PXDNL: variants seen among roughly 807,000 people sequenced by gnomAD.
PXDNL encodes the protein probable oxidoreductase PXDNL.
Under a neutral mutation model 150.8 loss-of-function variants are expected in PXDNL, and 145 were observed. The observed-to-expected ratio is 0.96, with a 90% CI of 0.84 to 1.10. The LOEUF (loss-of-function observed/expected upper bound fraction) is 1.10, where lower values mean the gene tolerates loss of function less well. Ranked by LOEUF, PXDNL falls within the 50% of genes least tolerant of loss-of-function variation. PXDNL has a pLI of 0.00. For missense variants in PXDNL, 2,087 were observed against 1,873.9 expected, an observed-to-expected ratio of 1.11 and a Z score of -2.10; for synonymous variants, 757 against 725.7, an observed-to-expected ratio of 1.04 and a Z score of -0.69.
At chr8:51,507,643 G>A (rs79692749) in intron 4 of PXDNL, among the ~76,000 whole-genome samples, 2,586 of 152,320 alleles carry the variant, frequency 0.017, 74 homozygotes, top group African/African-American at 0.06. Flanking sequence ...GCTAGAGAGA[G>A]ACTCCAGCTA....
At position 51,740,335 on chromosome 8, in the gene PXDNL, G is replaced by A. The variant is rs146865253; in HGVS notation, c.164+68846C>T. On this transcript the variant is annotated intron_variant, in intron 1 of 22. Transcript: ENST00000356297. ...ATAACAGAATGATTTATATTCCTTT[G>A]GGTATATACCCAGTAATAATATTGC... Among the ~76,000 whole-genome samples the A allele has an allele frequency of 2.0e-5, 3 of 152,286 alleles. No individual in the cohort carries two copies. In the East Asian group the frequency reaches 5.8e-4, roughly 29 times the overall value.
Position 51,408,379 on chromosome 8 carries a change from T to G in PXDNL, c.3245A>C (p.His1082Pro). 1.2e-6 allele frequency: 2 copies of G among 1,614,032 alleles called. No individual in the cohort carries two copies. Among genetic ancestry groups the G allele is most frequent in the Non-Finnish European group, 1.7e-6 (2 of 1,179,888 alleles). Residue 1082 changes from histidine to proline, a missense_variant, in exon 17 of 23, where the codon CAT becomes CCT. Coordinates refer to ENST00000356297, the MANE Select transcript of PXDNL (RefSeq NM_144651.5). ...TCTGGACGGTGAAAAGAGCGCTTTA[T>G]GGAACGGAAGGTGGCCTTCGGAAAT... is the stretch of plus-strand genomic sequence containing the variant. ...GEISEGHLPF[H>P]KALFSPSRII...
chr8:51,549,083 AG>A (rs1190290748), intron 4 of PXDNL, among the ~76,000 whole-genome samples: 1 of 152,234 alleles, frequency 6.6e-6, no homozygotes, highest in Non-Finnish European at 1.5e-5. Context: ...AAAGACAAAA[AG>A]AGACATTATA....
chr8:51,769,169 T>C (rs1273084195), intron 1 of PXDNL, among the ~76,000 whole-genome samples: 1 of 152,216 alleles, frequency 6.6e-6, no homozygotes, highest in African/African-American at 2.4e-5. Context: ...TTGAGTCATA[T>C]CAAAGTCATT....
intron 4 of PXDNL, among the ~76,000 whole-genome samples, chr8:51,515,182 A>T (rs1811509279): frequency 6.6e-6 from 1 of 152,172 alleles, no homozygotes; most frequent in African/African-American, 2.4e-5. Context: ...GTGAGGGACA[A>T]TCGGGGTGAT....
At chr8:51,446,053 T>G (rs868502758) in intron 12 of PXDNL, among the ~76,000 whole-genome samples, 1 of 152,212 alleles carries the variant, frequency 6.6e-6, no homozygotes, top group Middle Eastern at 3.4e-3. Context: ...AAAAAAAACA[T>G]TTAATATGTC....
At chr8:51,709,162 C>T in intron 1 of PXDNL, among the ~76,000 whole-genome samples, 2 of 151,984 alleles carry the variant, frequency 1.3e-5, no homozygotes, top group South Asian at 4.2e-4. Context: ...ATTGTATTGG[C>T]AAGAATTAGT....
chr8:51,377,539 G>C (rs1007249103), intron 17 of PXDNL, among the ~76,000 whole-genome samples: 3 of 152,208 alleles, frequency 2.0e-5, no homozygotes, highest in Non-Finnish European at 2.9e-5. Flanking sequence ...GGCAGGAACC[G>C]GGGCTGCACA....
rs78630544 is a variant in PXDNL, at chr8:51,784,387, T to C, written c.164+24794A>G. Among the ~76,000 whole-genome samples, 737 of 152,360 alleles carry C rather than the reference T, an allele frequency of 4.8e-3. 5 individuals carry two copies. The highest frequency in any genetic ancestry group is 0.017 in the Middle Eastern group (5 of 294). ...TTTTACGAATTCTTAAGCAGATCAATCAGCATAATACACTCATACCAGAAT... is the reference window on the plus strand; with the variant it reads ...TTTTACGAATTCTTAAGCAGATCAACCAGCATAATACACTCATACCAGAAT... On this transcript the variant is annotated intron_variant, in intron 1 of 22. Transcript: ENST00000356297.
chr8:51,713,852 A>G (rs1816549502), intron 1 of PXDNL, among the ~76,000 whole-genome samples: 1 of 152,212 alleles, frequency 6.6e-6, no homozygotes, highest in African/African-American at 2.4e-5. Flanking sequence ...CCAAGCAAAT[A>G]GTCACTTGTT....
At chr8:51,341,421 G>A (rs910899107) in intron 20 of PXDNL, among the ~76,000 whole-genome samples, 11 of 151,664 alleles carry the variant, frequency 7.3e-5, no homozygotes, top group South Asian at 2.1e-4. Context: ...TTTTTTTCAC[G>A]TGTGCATGTG....
At chr8:51,713,582 T>A (rs968881068) in intron 1 of PXDNL, among the ~76,000 whole-genome samples, 4 of 152,220 alleles carry the variant, frequency 2.6e-5, no homozygotes, top group Admixed American at 2.6e-4. Context: ...GGCCCATGTA[T>A]ATTAAGGGCC....
rs764492998 is a variant in PXDNL at position 51,457,638 on chromosome 8, C to T, written c.842G>A (p.Arg281Gln). 1.2e-5 allele frequency: 19 copies of T among 1,613,242 alleles called. No individual in the cohort carries two copies. The highest frequency in any genetic ancestry group is 5.0e-5 in the Admixed American group (3 of 59,924). ...NHSLDLEDDT[R>Q]LNVFDDGTLM... ...TGTGCCATCATCAAACACATTAAGT[C>T]GAGTATCATCTTCCAAATCCAATGA... The change falls in exon 9 of 23, where the codon CGA becomes CAA. Residue 281 changes from arginine to glutamine, a missense_variant. By Grantham distance (43) the Arg-to-Gln change is conservative. Coordinates refer to ENST00000356297, the MANE Select transcript of PXDNL (RefSeq NM_144651.5).
chr8:51,740,028 C>T (rs1055453929), intron 1 of PXDNL, among the ~76,000 whole-genome samples: 2 of 152,008 alleles, frequency 1.3e-5, no homozygotes, highest in Non-Finnish European at 2.9e-5. Context: ...TTACAAAATG[C>T]TGATTAAAGA....
intron 12 of PXDNL, among the ~76,000 whole-genome samples, chr8:51,438,508 G>A (rs1210480799): frequency 6.6e-6 from 1 of 152,186 alleles, no homozygotes; most frequent in Non-Finnish European, 1.5e-5. Context: ...GAGGTCAGGA[G>A]ATCGAGACCA....
intron 12 of PXDNL, among the ~76,000 whole-genome samples, chr8:51,443,307 AGGG>A (rs1293282734): frequency 2.6e-4 from 39 of 152,178 alleles, no homozygotes; most frequent in African/African-American, 9.2e-4. Context: ...AAAACACATG[AGGG>A]ATATGAAGAC....
Position 51,408,275 on chromosome 8 carries a change from G to C in PXDNL, c.3349C>G (p.Leu1117Val), listed in dbSNP as rs1390093760. The change falls in exon 17 of 23, where the codon CTT (leucine) becomes GTT (valine). Residue 1117 changes from leucine to valine, a missense_variant. Leu to Val is a conservative substitution (Grantham distance 32). Coordinates refer to ENST00000356297, the MANE Select transcript of PXDNL (RefSeq NM_144651.5). ...CTCTGGGTCAGCTCAGGACTGAGAA[G>C]GTAGGAGGGTGCCCGCCATTTAGCA... The part of the protein sequence containing the change: ...VAAKWRAPSY[L>V]LSPELTQRLF... 1 of 1,613,972 alleles carries C rather than the reference G, an allele frequency of 6.2e-7. No individual in the cohort carries two copies. The highest frequency in any genetic ancestry group is 1.1e-5 in the South Asian group (1 of 91,078).
intron 2 of PXDNL, among the ~76,000 whole-genome samples, chr8:51,593,707 T>C (rs1362927656): frequency 6.6e-6 from 1 of 152,214 alleles, no homozygotes; most frequent in Admixed American, 6.5e-5. Flanking sequence ...GCCTCACTGT[T>C]AAATTCCCCA....
chr8:51,320,972 G>A, intron 21 of PXDNL, 75 bp from the exon 22 acceptor site: 3 of 1,060,304 alleles, frequency 2.8e-6, no homozygotes, highest in Non-Finnish European at 4.4e-6. Context: ...AACATGGTTT[G>A]ATGAAATGCT....
Sources: gnomAD v4.1 joint callset for allele counts (sites outside exome capture counted in the v4.1 genomes callset) on GRCh38, gnomAD v4.1.1 for gene constraint, MANE v1.5 for transcripts, NCBI Gene and HGNC (gene_info 2026-07-23, HGNC 2026-07-21) for gene names.